CHMP3: variants seen among roughly 807,000 people sequenced by gnomAD.
The protein encoded by CHMP3 is charged multivesicular body protein 3.
CHMP3 carries 8 observed loss-of-function variants against 27.4 expected under a neutral mutation model. The observed-to-expected ratio is 0.29, with a 90% CI of 0.17 to 0.53. The LOEUF (loss-of-function observed/expected upper bound fraction) is 0.53, where lower values mean the gene tolerates loss of function less well. Ranked by LOEUF, CHMP3 falls within the 20% of genes least tolerant of loss-of-function variation. CHMP3 has a pLI of 0.96. For missense variants in CHMP3, 208 were observed against 271.5 expected (o/e 0.77, Z 1.64); for synonymous variants, 86 against 85.5 (o/e 1.01, Z -0.03).
intron 4 of CHMP3, 81 bp downstream of exon 4, chr2:86,510,277 C>CCCCCCCCA: frequency 1.7e-5 from 19 of 1,118,928 alleles, no homozygotes; most frequent in Non-Finnish European, 2.3e-5. Flanking sequence ...CATCCCCACC[C>CCCCCCCCA]ACCCTCATCC....
chr2:86,517,582 A>AC (rs896320377), intron 3 of CHMP3, among the ~76,000 whole-genome samples: 1 of 151,914 alleles, frequency 6.6e-6, no homozygotes, highest in African/African-American at 2.4e-5. Context: ...AAAAAAAAAA[A>AC]AAAATTAGTT....
chr2:86,530,492 T>C (rs1350709896), intron 2 of CHMP3, among the ~76,000 whole-genome samples: 1 of 152,250 alleles, frequency 6.6e-6, no homozygotes, highest in African/African-American at 2.4e-5. Context: ...ATAATATTTT[T>C]AAGGTTCAAG....
At chr2:86,530,855 T>C (rs1005744965) in intron 2 of CHMP3, among the ~76,000 whole-genome samples, 1 of 152,252 alleles carries the variant, frequency 6.6e-6, no homozygotes, top group African/African-American at 2.4e-5. Context: ...GTTTTGTTGT[T>C]GTTGTTTTGA....
chr2:86,510,857 C>T (rs1362533689), intron 3 of CHMP3: 5 of 203,150 alleles, frequency 2.5e-5, no homozygotes, highest in Admixed American at 1.1e-4. Context: ...CTTCAGGACC[C>T]GAGCAGAGCT....
chr2:86,522,758 T>G (rs1391042414), intron 3 of CHMP3, among the ~76,000 whole-genome samples: 1 of 152,218 alleles, frequency 6.6e-6, no homozygotes, highest in Non-Finnish European at 1.5e-5. Context: ...CACACTGCAC[T>G]GTCCCTCCCT....
chr2:86,549,468 CT>C (rs1411016239), intron 1 of CHMP3, among the ~76,000 whole-genome samples: 4 of 143,288 alleles, frequency 2.8e-5, no homozygotes, highest in Admixed American at 6.8e-5. Flanking sequence ...GGCAGAGGCG[CT>C]CCTCACTTCC....
At chr2:86,513,684 A>G (rs1675188948) in intron 3 of CHMP3, among the ~76,000 whole-genome samples, 3 of 152,214 alleles carry the variant, frequency 2.0e-5, no homozygotes, top group Admixed American at 2.0e-4. Context: ...ACTAAAAAAT[A>G]AAAACAACTA....
intron 1 of CHMP3, among the ~76,000 whole-genome samples, chr2:86,560,706 TA>T (rs879504813): frequency 0.035 from 4,884 of 138,328 alleles, 220 homozygotes; most frequent in African/African-American, 0.11. Flanking sequence ...AAGTATAATT[TA>T]AAAAAAAAAA....
At chr2:86,546,640 G>T (rs183553652) in intron 1 of CHMP3, among the ~76,000 whole-genome samples, 1 of 151,924 alleles carries the variant, frequency 6.6e-6, no homozygotes, top group African/African-American at 2.4e-5. Context: ...ATTTCACCAC[G>T]TTGGCCAGGC....
chr2:86,558,028 A>C (rs2104057589), intron 1 of CHMP3, among the ~76,000 whole-genome samples: 1 of 152,304 alleles, frequency 6.6e-6, no homozygotes, highest in South Asian at 2.1e-4. Flanking sequence ...CACAACCATG[A>C]GTCATGACCC....
chr2:86,529,066 C>G, intron 3 of CHMP3, 152 bp downstream of exon 3: 1 of 741,858 alleles, frequency 1.3e-6, no homozygotes, highest in Non-Finnish European at 2.0e-6. Context: ...AAACAAACAA[C>G]ATTATTATAT....
intron 3 of CHMP3, chr2:86,512,576 A>G (rs1014376575): frequency 6.6e-6 from 1 of 152,238 alleles, no homozygotes; most frequent in Admixed American, 6.5e-5. Context: ...CACCTTCAAA[A>G]GAATGAAAAG....
chr2:86,517,767 A>T (rs923277008), intron 3 of CHMP3, among the ~76,000 whole-genome samples: 1 of 151,602 alleles, frequency 6.6e-6, no homozygotes. Flanking sequence ...AGTGGCTCAC[A>T]CCTGTAATCC....
chr2:86,509,617 C>G (rs1481217429), intron 4 of CHMP3, among the ~76,000 whole-genome samples: 1 of 152,126 alleles, frequency 6.6e-6, no homozygotes, highest in East Asian at 1.9e-4. Flanking sequence ...GAGGGACCTC[C>G]CATCCTCATT....
chr2:86,513,726 G>A (rs1272997973), intron 3 of CHMP3, among the ~76,000 whole-genome samples: 1 of 152,206 alleles, frequency 6.6e-6, no homozygotes, highest in African/African-American at 2.4e-5. Flanking sequence ...AGTAATAGAA[G>A]GGTCGTCTGC....
chr2:86,563,083 C>T, intron 1 of CHMP3: 3 of 516,894 alleles, frequency 5.8e-6, no homozygotes, highest in Non-Finnish European at 1.0e-5. Flanking sequence ...CTTCATCCAC[C>T]CTCGGCTACC....
rs557311659 is a variant in CHMP3, at chr2:86,531,395, A to G, written c.107-1998T>C. ...TTTTTTATTTTTTGGAGATGGATCT[A>G]TGTTGCTCAGGGTGTAGTGCAGTGG... On this transcript the variant is annotated intron_variant, in intron 2 of 5. Coordinates refer to ENST00000263856, the MANE Select transcript of CHMP3 (RefSeq NM_016079.4). 4.6e-4 allele frequency among the ~76,000 whole-genome samples: 70 copies of G among 152,162 alleles called. 1 individual carries two copies. Among genetic ancestry groups the G allele is most frequent in the African/African-American group, 1.5e-3 (64 of 41,508 alleles).
intron 1 of CHMP3, chr2:86,561,830 G>A (rs573171794): frequency 3.9e-5 from 6 of 152,296 alleles, no homozygotes; most frequent in African/African-American, 9.6e-5. Flanking sequence ...ATATACTAGA[G>A]ACTAGTTTAA....
intron 1 of CHMP3, among the ~76,000 whole-genome samples, chr2:86,548,886 G>A (rs1423941319): frequency 2.0e-5 from 3 of 149,242 alleles, no homozygotes; most frequent in Non-Finnish European, 4.5e-5. Flanking sequence ...CCCAGACGAT[G>A]GGCAGCCGGG....
Sources: gnomAD v4.1 joint callset for allele counts (sites outside exome capture counted in the v4.1 genomes callset) on GRCh38, gnomAD v4.1.1 for gene constraint, MANE v1.5 for transcripts, NCBI Gene and HGNC (gene_info 2026-07-23, HGNC 2026-07-21) for gene names.